The following SPNS2 variants were observed in gnomAD, a reference collection of about 807,000 sequenced individuals.
SPNS2 encodes the protein sphingosine-1-phosphate transporter SPNS2.
SPNS2 carries 37 observed loss-of-function variants against 57.6 expected under a neutral mutation model. That is an observed-to-expected ratio of 0.64 (90% confidence interval 0.49 to 0.85). The LOEUF is 0.85. Among genes scored for constraint, SPNS2 ranks in the 40% least tolerant of loss-of-function variants. The pLI is 0.00. For missense variants in SPNS2, 831 were observed against 779.1 expected (o/e 1.07, Z -0.79); for synonymous variants, 440 against 346.9 (o/e 1.27, Z -2.98).
At chr17:4,509,138 T>C (rs1447944750) in intron 1 of SPNS2, among the ~76,000 whole-genome samples, 1 of 152,036 alleles carries the variant, frequency 6.6e-6, no homozygotes, top group African/African-American at 2.4e-5. Context: ...GCTCAGGGAA[T>C]GGGGACCCAG....
At position 4,537,705 on chromosome 17, in the gene SPNS2, C is replaced by A. The variant is rs1158421913; in HGVS notation, c.*257C>A. On this transcript the variant is annotated 3_prime_UTR_variant, in exon 13 of 13. Transcript: ENST00000329078. ...GCCCTAGGTTTGGGCCGCAGGGCCC[C>A]TGGGGCCAAGGAAGAAGACAGCCCC... is the stretch of plus-strand genomic sequence containing the variant. The A allele has an allele frequency of 2.2e-6, 1 of 456,678 alleles. No homozygotes were observed. The highest frequency in any genetic ancestry group is 4.4e-6 in the Non-Finnish European group (1 of 226,988). 28.3% of individuals were successfully genotyped at this position (456,678 alleles called of 1,614,324 possible). A position where few individuals can be genotyped will look rare whatever the true frequency, so the allele number is the denominator to read the frequency against.
rs1236321132 is a variant in SPNS2 at position 4,512,721 on chromosome 17, CGTGTGCAGGTGTGTGT to C, written c.371-522_371-507del. On this transcript the variant is annotated intron_variant, in intron 1 of 12. Coordinates refer to ENST00000329078, the MANE Select transcript of SPNS2 (RefSeq NM_001124758.3). The surrounding 1 kb of genome is among the most constrained non-coding windows in gnomAD (Gnocchi z 5.2). ...GCAGGTGTGTGCACACACGTGCGTG[CGTGTGCAGGTGTGTGT>C]GTGCATGTACAGGTGTGTGCGTGTG... 6.7e-6 allele frequency among the ~76,000 whole-genome samples: 1 copy of C among 149,928 alleles called. No homozygotes were observed. Among genetic ancestry groups the C allele is most frequent in the East Asian group, 2.0e-4 (1 of 5,128 alleles).
chr17:4,535,385 AG>A (rs1905728773), intron 9 of SPNS2, among the ~76,000 whole-genome samples: 1 of 152,106 alleles, frequency 6.6e-6, no homozygotes. Context: ...GTCCTCAGGG[AG>A]GGGAACCAAG....
chr17:4,507,832 G>A (rs768152538), intron 1 of SPNS2, among the ~76,000 whole-genome samples: 1 of 152,226 alleles, frequency 6.6e-6, no homozygotes, highest in Admixed American at 6.5e-5. Context: ...TCAGGATCAC[G>A]CTGTTGGCAT....
Position 4,525,152 on chromosome 17 carries a change from T to G in SPNS2, c.532T>G (p.Trp178Gly). The part of the protein sequence containing the change: ...KVILSCGIFF[W>G]SAVTFSSSFI... ...GATTCTCAGCTGCGGCATTTTCTTC[T>G]GGTCGGCCGTCACCTTCTCCAGCTC... is the stretch of plus-strand genomic sequence containing the variant. Residue 178 changes from tryptophan to glycine, a missense_variant, in exon 3 of 13, where the codon TGG becomes GGG. This residue lies in a region of SPNS2 where 305 missense variants were observed against 378.3 expected (regional missense o/e 0.81). Transcript: ENST00000329078. The G allele has an allele frequency of 4.3e-6, 7 of 1,614,192 alleles. No homozygotes were observed. The highest frequency in any genetic ancestry group is 5.9e-6 in the Non-Finnish European group (7 of 1,180,030).
At position 4,533,228 on chromosome 17, in the gene SPNS2, CCT is replaced by C. The variant is rs1205487304; in HGVS notation, c.1089-12_1089-11del. 4.4e-6 allele frequency: 7 copies of C among 1,589,600 alleles called. No homozygotes were observed. The highest frequency in any genetic ancestry group is 6.0e-6 in the Non-Finnish European group (7 of 1,164,478). On this transcript the variant is annotated splice_polypyrimidine_tract_variant and intron_variant, in intron 7 of 12. Coordinates refer to ENST00000329078, the MANE Select transcript of SPNS2 (RefSeq NM_001124758.3). ...GCCGCCTCAACTCGTGCGCCACCAT[CCT>C]CTGTCCCCACAGCCTCATCTTTGGG...
rs1567599290 is a variant in SPNS2 at position 4,537,805 on chromosome 17, CG to C, written c.*358del. On this transcript the variant is annotated 3_prime_UTR_variant, in exon 13 of 13. Coordinates refer to ENST00000329078, the MANE Select transcript of SPNS2 (RefSeq NM_001124758.3). Reference sequence around the variant, plus strand: ...GGGCAAGTCCCTGCCCTCCCTGGAACGAAGGGCCAGGGGGCTGGACTTTCCC... The same window carrying C: ...GGGCAAGTCCCTGCCCTCCCTGGAACAAGGGCCAGGGGGCTGGACTTTCCC... 1 of 455,732 alleles carries C rather than the reference CG, an allele frequency of 2.2e-6. No individual in the cohort carries two copies. Among genetic ancestry groups the C allele is most frequent in the South Asian group, 1.5e-5 (1 of 64,554 alleles). The allele number at this position is 455,732 out of a possible 1,614,324, so 28.2% of individuals were successfully genotyped here. A position where few individuals can be genotyped will look rare whatever the true frequency, so the allele number is the denominator to read the frequency against.
At chr17:4,521,604 A>C (rs990429292) in intron 2 of SPNS2, among the ~76,000 whole-genome samples, 1 of 152,258 alleles carries the variant, frequency 6.6e-6, no homozygotes, top group Non-Finnish European at 1.5e-5. Context: ...GTCAATTGTT[A>C]ACATTTCAGG....
intron 2 of SPNS2, among the ~76,000 whole-genome samples, chr17:4,524,272 A>C (rs941930916): frequency 2.6e-5 from 4 of 152,264 alleles, no homozygotes; most frequent in African/African-American, 9.6e-5. Flanking sequence ...TCAGATCCCC[A>C]CTGGAACATT....
chr17:4,501,527 G>A (rs115541161), intron 1 of SPNS2, among the ~76,000 whole-genome samples: 1,766 of 152,188 alleles, frequency 0.012, 28 homozygotes, highest in African/African-American at 0.04. Flanking sequence ...CCTGGGCTGT[G>A]CCTCCCTCCC....
In SPNS2 at chr17:4,525,027, G is replaced by T. The variant is rs771052449; in HGVS notation, c.437-30G>T. ...GGGAGGCCGGGGCGCAGGGACCTGG[G>T]CCCCCCCTCAAGCTCTCCTCTCCCT... On this transcript the variant is annotated intron_variant, in intron 2 of 12. Transcript: ENST00000329078. 23 of 1,607,286 alleles carry T rather than the reference G, an allele frequency of 1.4e-5. No individual in the cohort carries two copies. In the African/African-American group the frequency reaches 2.4e-4, roughly 17 times the overall value.
chr17:4,509,893 C>T (rs935503882), intron 1 of SPNS2, among the ~76,000 whole-genome samples: 4 of 152,196 alleles, frequency 2.6e-5, no homozygotes, highest in Admixed American at 6.5e-5. Context: ...GCACGCCTGG[C>T]GGGGTGGGCT....
intron 2 of SPNS2, among the ~76,000 whole-genome samples, chr17:4,517,377 G>T (rs1246084061): frequency 1.3e-5 from 2 of 152,202 alleles, no homozygotes; most frequent in Non-Finnish European, 2.9e-5. Flanking sequence ...AATAGAGCAG[G>T]CCAGGCGCGG....
At chr17:4,535,977 C>T in intron 9 of SPNS2, 99 bp from the exon 10 acceptor site, 2 of 966,454 alleles carry the variant, frequency 2.1e-6, no homozygotes, top group Non-Finnish European at 3.1e-6. Context: ...AGGAGTGAGT[C>T]TGAGGGTGTG....
chr17:4,536,990 G>A (rs200212332), intron 12 of SPNS2, 44 bp downstream of exon 12: 15 of 1,605,628 alleles, frequency 9.3e-6, no homozygotes, highest in Non-Finnish European at 1.2e-5. Context: ...CTAAGGAAAG[G>A]GGAAGGCCAG....
At chr17:4,514,581 T>C (rs796835614) in intron 2 of SPNS2, among the ~76,000 whole-genome samples, 9 of 152,300 alleles carry the variant, frequency 5.9e-5, no homozygotes, top group African/African-American at 1.9e-4. Flanking sequence ...TTGACTGTTC[T>C]AGGATGGGGC....
intron 2 of SPNS2, among the ~76,000 whole-genome samples, chr17:4,514,154 G>A (rs1220927397): frequency 6.6e-6 from 1 of 152,260 alleles, no homozygotes; most frequent in Non-Finnish European, 1.5e-5. Context: ...CAGAGACTAA[G>A]GCCAGTGCTG....
rs1905592845 is a variant in SPNS2, at chr17:4,533,388, T to G, written c.1234T>G (p.Cys412Gly). Residue 412 changes from cysteine to glycine, a missense_variant, in exon 8 of 13, where the codon TGC (cysteine) becomes GGC (glycine). Physicochemically the swap from Cys to Gly is radical, Grantham distance 159 (BLOSUM62 -3). This residue lies in a region of SPNS2 where 526 missense variants were observed against 400.9 expected (regional missense o/e 1.31). Transcript: ENST00000329078. ...VGMLGSAIFICLIFVAAKSSI... is the reference protein window; with the variant it reads ...VGMLGSAIFIGLIFVAAKSSI... ...CATGCTGGGCTCTGCCATCTTCATCTGCCTGATCTTCGTGGCTGCCAAGAG... is the reference window on the plus strand; with the variant it reads ...CATGCTGGGCTCTGCCATCTTCATCGGCCTGATCTTCGTGGCTGCCAAGAG... 1.9e-6 allele frequency: 3 copies of G among 1,609,776 alleles called. No individual in the cohort carries two copies. In the African/African-American group the frequency reaches 4.0e-5, roughly 22 times the overall value.
chr17:4,530,950 T>C (rs764731671), intron 4 of SPNS2, 103 bp from the exon 5 acceptor site: 109 of 1,423,166 alleles, frequency 7.7e-5, no homozygotes, highest in Non-Finnish European at 9.8e-5. Context: ...CCTGGCCAGC[T>C]GGCTGGGTGG....
Sources: allele counts gnomAD v4.1 joint callset (sites outside exome capture counted in the v4.1 genomes callset), GRCh38; gene constraint gnomAD v4.1.1; regional missense constraint gnomAD v4.1.1; non-coding constraint Gnocchi (gnomAD v3.1); transcripts MANE v1.5; gene names NCBI Gene and HGNC (gene_info 2026-07-23, HGNC 2026-07-21).